Variants in CLYBL observed in about 807,000 individuals in gnomAD.
CLYBL encodes citramalyl-CoA lyase, mitochondrial.
In CLYBL, 31 loss-of-function variants were observed where a neutral mutation model predicts 38.9. The observed-to-expected ratio is 0.80, with a 90% CI of 0.60 to 1.08. The LOEUF is 1.08. Ranked by LOEUF, CLYBL falls within the 50% of genes least tolerant of loss-of-function variation. The pLI, the probability that CLYBL is intolerant of heterozygous loss-of-function variation, is 0.00. For synonymous variants in CLYBL, 171 were observed against 158.6 expected, an observed-to-expected ratio of 1.08 and a Z score of -0.59; for missense variants, 434 against 411.6, an observed-to-expected ratio of 1.05 and a Z score of -0.47.
chr13:99,880,066 A>ATT (rs1283526295), intron 7 of CLYBL, among the ~76,000 whole-genome samples: 79 of 60,758 alleles, frequency 1.3e-3, no homozygotes, highest in African/African-American at 1.7e-3. Flanking sequence ...ATATATATAT[A>ATT]TATTTTTTTT....
At position 99,828,198 on chromosome 13, in the gene CLYBL, T is replaced by C. The variant is rs371579298; in HGVS notation, c.250-30663T>C. Among the ~76,000 whole-genome samples, 20 of 152,236 alleles carry C rather than the reference T, an allele frequency of 1.3e-4. No homozygotes were observed. In the East Asian group the frequency reaches 2.5e-3, roughly 19 times the overall value. ...AACTAGATGATGGGCAAAAACTCTA[T>C]AGAGGGGAAAGGAGGCAGGAAGAGC... On this transcript the variant is annotated intron_variant, in intron 2 of 8. Transcript: ENST00000339105.
In CLYBL at chr13:99,875,972, G is replaced by C. The variant is rs148194308; in HGVS notation, c.927+4910G>C. ...CTGAGTCTGCCAATGATGACTTTAA[G>C]ATTGGATGGATTAACACAAAATTGC... On this transcript the variant is annotated intron_variant, in intron 7 of 8. Coordinates refer to ENST00000339105, the MANE Select transcript of CLYBL (RefSeq NM_206808.5). Among the ~76,000 whole-genome samples, 169 of 151,396 alleles carry C rather than the reference G, an allele frequency of 1.1e-3. 5 individuals are homozygous for C. The East Asian group carries it at 0.023, about 20-fold the overall frequency.
At chr13:99,668,234 A>C (rs1248841269) in intron 1 of CLYBL, among the ~76,000 whole-genome samples, 7 of 150,748 alleles carry the variant, frequency 4.6e-5, no homozygotes. Flanking sequence ...AGATCATGCC[A>C]CTGCACTCCA....
At chr13:99,689,131 C>T (rs2047862151) in intron 1 of CLYBL, among the ~76,000 whole-genome samples, 1 of 152,194 alleles carries the variant, frequency 6.6e-6, no homozygotes, top group Non-Finnish European at 1.5e-5. Context: ...TGGGACTTCA[C>T]ATAAATTCAT....
intron 8 of CLYBL, among the ~76,000 whole-genome samples, chr13:99,903,283 C>A (rs912180688): frequency 6.6e-6 from 1 of 152,212 alleles, no homozygotes; most frequent in African/African-American, 2.4e-5. Flanking sequence ...AGTCTGCCAC[C>A]ATCTGTCTTT....
intron 1 of CLYBL, among the ~76,000 whole-genome samples, chr13:99,615,510 C>T (rs2139185419): frequency 6.6e-6 from 1 of 152,298 alleles, no homozygotes; most frequent in South Asian, 2.1e-4. Context: ...TCTGCCGTTA[C>T]ACAATTCCTC....
At chr13:99,685,234 T>C (rs2047799090) in intron 1 of CLYBL, among the ~76,000 whole-genome samples, 1 of 152,218 alleles carries the variant, frequency 6.6e-6, no homozygotes, top group Non-Finnish European at 1.5e-5. Flanking sequence ...TTTCTGTACT[T>C]GTTTCAAACT....
intron 9 of CLYBL, among the ~76,000 whole-genome samples, chr13:99,906,003 G>A (rs974403443): frequency 5.3e-5 from 8 of 151,980 alleles, no homozygotes; most frequent in Admixed American, 2.6e-4. Context: ...TGAACTCCTG[G>A]GCTCAAGTGA....
intron 1 of CLYBL, among the ~76,000 whole-genome samples, chr13:99,772,432 C>T (rs1162470397): frequency 2.0e-5 from 3 of 152,198 alleles, no homozygotes; most frequent in African/African-American, 2.4e-5. Context: ...CATGGTGGCT[C>T]ATGCCTATAA....
At position 99,906,517 on chromosome 13, in the gene CLYBL, G is replaced by A. The variant is rs145742514; in HGVS notation, c.*160+1112G>A. On this transcript the variant is annotated intron_variant and NMD_transcript_variant, in intron 9 of 9. Coordinates refer to the CLYBL transcript ENST00000689673. The stretch of plus-strand genomic sequence containing the variant: ...CGGCTCAATACCACCTCCGCCTCCC[G>A]GGTTCAAGCAATTCTCCTGTCTCAG... 5.7e-4 allele frequency among the ~76,000 whole-genome samples: 86 copies of A among 151,640 alleles called. No homozygotes were observed. In the East Asian group the frequency reaches 6.2e-3, roughly 11 times the overall value.
intron 1 of CLYBL, among the ~76,000 whole-genome samples, chr13:99,641,768 C>T (rs1013339593): frequency 6.6e-6 from 1 of 151,858 alleles, no homozygotes; most frequent in Non-Finnish European, 1.5e-5. Context: ...GCTGAGATCG[C>T]ACCACTGCAC....
intron 1 of CLYBL, among the ~76,000 whole-genome samples, chr13:99,638,081 AG>A (rs2047047655): frequency 6.9e-6 from 1 of 144,956 alleles, no homozygotes; most frequent in African/African-American, 2.6e-5. Flanking sequence ...CTCCTACCTT[AG>A]CCTCCTGAGT....
chr13:99,870,619 G>A (rs556034227), intron 6 of CLYBL, among the ~76,000 whole-genome samples: 3 of 152,180 alleles, frequency 2.0e-5, no homozygotes, highest in African/African-American at 7.2e-5. Flanking sequence ...TAAAGTCCCA[G>A]CCAAAGCAGT....
intron 1 of CLYBL, among the ~76,000 whole-genome samples, chr13:99,771,861 C>T (rs1422273322): frequency 6.6e-6 from 1 of 152,148 alleles, no homozygotes; most frequent in Non-Finnish European, 1.5e-5. Flanking sequence ...TGGCTAAGTG[C>T]TTCATGTTCA....
intron 2 of CLYBL, among the ~76,000 whole-genome samples, chr13:99,783,693 C>A (rs373706018): frequency 7.2e-5 from 11 of 152,214 alleles, no homozygotes; most frequent in African/African-American, 2.6e-4. Flanking sequence ...GATCCGCCCG[C>A]CTCGGCCTCC....
chr13:99,716,885 A>G (rs2048325167), intron 1 of CLYBL, among the ~76,000 whole-genome samples: 1 of 129,720 alleles, frequency 7.7e-6, no homozygotes, highest in African/African-American at 3.0e-5. Context: ...TCTGCCTCCC[A>G]GGTTCAAGCG....
At chr13:99,871,781 C>T (rs1473721564) in intron 7 of CLYBL, among the ~76,000 whole-genome samples, 1 of 152,094 alleles carries the variant, frequency 6.6e-6, no homozygotes. Flanking sequence ...AGTTAATTAT[C>T]TTAAAGGTTA....
In CLYBL at chr13:99,684,439, G is replaced by T. The variant is rs142137610; in HGVS notation, c.62+77682G>T. ...CTGTTGTTGACCTGAAAGTTATGTGGCGCATGACTGTATCTAAAAACAAAC... is the reference window on the plus strand; with the variant it reads ...CTGTTGTTGACCTGAAAGTTATGTGTCGCATGACTGTATCTAAAAACAAAC... On this transcript the variant is annotated intron_variant, in intron 1 of 8. Transcript: ENST00000339105. Among the ~76,000 whole-genome samples, 40 of 152,142 alleles carry T rather than the reference G, an allele frequency of 2.6e-4. No individual in the cohort carries two copies. The East Asian group carries it at 7.5e-3, about 29-fold the overall frequency.
At chr13:99,667,433 C>CTTT (rs369360327) in intron 1 of CLYBL, among the ~76,000 whole-genome samples, 4 of 127,794 alleles carry the variant, frequency 3.1e-5, no homozygotes, top group African/African-American at 8.8e-5. Context: ...AAGAATCTTG[C>CTTT]TTTTTTTTTT....
Sources: gnomAD v4.1 joint callset for allele counts (sites outside exome capture counted in the v4.1 genomes callset) on GRCh38, gnomAD v4.1.1 for gene constraint, MANE v1.5 for transcripts, NCBI Gene and HGNC (gene_info 2026-07-23, HGNC 2026-07-21) for gene names.